Variants in PPP2R2A observed in about 807,000 individuals in gnomAD.
PPP2R2A encodes protein phosphatase 2 regulatory subunit Balpha.
In PPP2R2A, 9 loss-of-function variants were observed where a neutral mutation model predicts 53.2. That is an observed-to-expected ratio of 0.17 (90% CI 0.10 to 0.30). The LOEUF (loss-of-function observed/expected upper bound fraction) is 0.30. PPP2R2A is among the 10% of genes least tolerant of loss of function. The pLI is 1.00. For synonymous variants in PPP2R2A, 169 were observed against 174.2 expected, an observed-to-expected ratio of 0.97 and a Z score of 0.23; for missense variants, 235 against 534.6, an observed-to-expected ratio of 0.44 and a Z score of 5.53.
Position 26,370,099 on chromosome 8 carries a change from G to C in PPP2R2A, c.1065-35G>C. On this transcript the variant is annotated intron_variant, in intron 9 of 9. Coordinates refer to ENST00000380737, the MANE Select transcript of PPP2R2A (RefSeq NM_002717.4). The surrounding 1 kb of genome is among the most constrained non-coding windows in gnomAD (Gnocchi z 6.1). ...TTACTTGAAAACAATTTCTTGTTCTGCTTGTTTGACTGAGTGTACTGTCTA... is the reference window on the plus strand; with the variant it reads ...TTACTTGAAAACAATTTCTTGTTCTCCTTGTTTGACTGAGTGTACTGTCTA... 6.3e-7 allele frequency: 1 copy of C among 1,580,960 alleles called. No homozygotes were observed. Among genetic ancestry groups the C allele is most frequent in the Non-Finnish European group, 8.6e-7 (1 of 1,158,352 alleles).
intron 2 of PPP2R2A, among the ~76,000 whole-genome samples, chr8:26,322,885 A>G (rs1457454268): frequency 6.6e-6 from 1 of 152,204 alleles, no homozygotes; most frequent in African/African-American, 2.4e-5. Flanking sequence ...ACATTAATCC[A>G]TTGAAACCAC....
intron 2 of PPP2R2A, among the ~76,000 whole-genome samples, chr8:26,330,327 T>G (rs200591803): frequency 8.5e-6 from 1 of 118,300 alleles, no homozygotes; most frequent in Non-Finnish European, 1.8e-5. Context: ...TTTTTTTTTT[T>G]GAGACACAGT....
chr8:26,360,210 A>C lies in PPP2R2A; in HGVS notation c.388A>C (p.Arg130=). ...KLWKISERDK[R]PEGYNLKEED... Reference sequence around the variant, plus strand: ...ATGGAAAATCAGTGAAAGGGACAAAAGACCAGAAGGGTATAACTTGAAAGA... The same window carrying C: ...ATGGAAAATCAGTGAAAGGGACAAACGACCAGAAGGGTATAACTTGAAAGA... The change falls in exon 5 of 10, where the codon AGA becomes CGA. Residue 130 remains arginine (R), a synonymous_variant. Transcript: ENST00000380737. This position sits in a 1 kb window ranked among gnomAD's most constrained non-coding sequence, Gnocchi z 4.5. 1 of 1,610,298 alleles carries C rather than the reference A, an allele frequency of 6.2e-7. No homozygotes were observed. Among genetic ancestry groups the C allele is most frequent in the Non-Finnish European group, 8.5e-7 (1 of 1,177,390 alleles).
rs1803773062 is a variant in PPP2R2A, at chr8:26,338,331, G to A, written c.83-559G>A. Among the ~76,000 whole-genome samples, 1 of 152,138 alleles carries A rather than the reference G, an allele frequency of 6.6e-6. No individual in the cohort carries two copies. Among genetic ancestry groups the A allele is most frequent in the Admixed American group, 6.5e-5 (1 of 15,284 alleles). On this transcript the variant is annotated intron_variant, in intron 2 of 9. Coordinates refer to ENST00000380737, the MANE Select transcript of PPP2R2A (RefSeq NM_002717.4). The surrounding 1 kb of genome is among the most constrained non-coding windows in gnomAD (Gnocchi z 4.5). ...CCTGCAGTGTAGGGGAGCTGGAGGA[G>A]CCGTGCACATTGAAGGCACATAGCA... is the stretch of plus-strand genomic sequence containing the variant.
chr8:26,308,928 A>G (rs1802149389), intron 2 of PPP2R2A, among the ~76,000 whole-genome samples: 1 of 151,978 alleles, frequency 6.6e-6, no homozygotes, highest in Non-Finnish European at 1.5e-5. Context: ...TGGTGTGATC[A>G]TGGCTCACTG....
At chr8:26,344,454 A>G (rs1804106919) in intron 3 of PPP2R2A, among the ~76,000 whole-genome samples, 1 of 152,212 alleles carries the variant, frequency 6.6e-6, no homozygotes, top group Non-Finnish European at 1.5e-5. Flanking sequence ...CAGGAAAATC[A>G]GTCTCATTAC....
At chr8:26,350,770 CTT>C (rs1804459800) in intron 3 of PPP2R2A, 6 of 152,146 alleles carry the variant, frequency 3.9e-5, no homozygotes, top group Admixed American at 3.3e-4. Flanking sequence ...ATCGAAATCT[CTT>C]ATAATTTTCT....
intron 1 of PPP2R2A, 50 bp downstream of exon 1, chr8:26,291,876 C>T (rs551416760): frequency 2.3e-5 from 37 of 1,604,780 alleles, no homozygotes; most frequent in South Asian, 3.3e-5. Context: ...CTTCCTTATT[C>T]CTCCCTCCAT....
intron 3 of PPP2R2A, among the ~76,000 whole-genome samples, chr8:26,343,823 G>T (rs1804072899): frequency 6.6e-6 from 1 of 152,154 alleles, no homozygotes; most frequent in African/African-American, 2.4e-5. Context: ...AGAGTCACAA[G>T]AATTGCTAAT....
rs563625053 is a variant in PPP2R2A, at chr8:26,362,075, A to T, written c.638-609A>T. ...GATTAAGATTAATTTTAAGATTAGA[A>T]AAAGATTAATAATTAGATTAGATTA... On this transcript the variant is annotated intron_variant, in intron 6 of 9. Transcript: ENST00000380737. The surrounding 1 kb of genome is among the most constrained non-coding windows in gnomAD (Gnocchi z 4.4). 6.0e-5 allele frequency among the ~76,000 whole-genome samples: 9 copies of T among 148,772 alleles called. No individual in the cohort carries two copies. Among genetic ancestry groups the T allele is most frequent in the African/African-American group, 2.0e-4 (8 of 39,894 alleles).
intron 1 of PPP2R2A, among the ~76,000 whole-genome samples, chr8:26,292,865 A>C (rs1801368426): frequency 6.6e-6 from 1 of 152,206 alleles, no homozygotes; most frequent in Non-Finnish European, 1.5e-5. Context: ...AGATGAGACC[A>C]GTTTTCCGTG....
chr8:26,346,501 C>T (rs1804222823), intron 3 of PPP2R2A, among the ~76,000 whole-genome samples: 1 of 152,174 alleles, frequency 6.6e-6, no homozygotes, highest in Non-Finnish European at 1.5e-5. Context: ...TTAGATCAGT[C>T]ATCTGCAGAG....
intron 2 of PPP2R2A, among the ~76,000 whole-genome samples, chr8:26,303,673 G>C (rs891803245): frequency 3.3e-5 from 5 of 151,966 alleles, no homozygotes; most frequent in Admixed American, 2.6e-4. Flanking sequence ...GTATTTTTGT[G>C]GCTGTTTTCT....
chr8:26,355,937 T>G (rs1261026559), intron 4 of PPP2R2A, among the ~76,000 whole-genome samples: 1 of 152,116 alleles, frequency 6.6e-6, no homozygotes, highest in Non-Finnish European at 1.5e-5. Flanking sequence ...AGTTGGGTGC[T>G]TTCTCTTTGT....
chr8:26,365,303 C>T (rs1021655268), intron 8 of PPP2R2A: 1 of 152,080 alleles, frequency 6.6e-6, no homozygotes, highest in East Asian at 1.9e-4. Context: ...TTTTTTCTTA[C>T]TGATTTTTTT....
intron 2 of PPP2R2A, among the ~76,000 whole-genome samples, chr8:26,335,200 C>T (rs984065460): frequency 2.6e-5 from 4 of 152,128 alleles, no homozygotes; most frequent in South Asian, 2.1e-4. Context: ...GGTCTATGAG[C>T]GGAATTTGAA....
In PPP2R2A at chr8:26,327,193, T is replaced by G. The variant is rs572545209; in HGVS notation, c.83-11697T>G. ...GCTCCATCTTCTCTTTAGAGTATGT[T>G]ACATAAGCATTAAATCGAGGGTGTG... On this transcript the variant is annotated intron_variant, in intron 2 of 9. Transcript: ENST00000380737. 1.2e-4 allele frequency among the ~76,000 whole-genome samples: 18 copies of G among 152,284 alleles called. No homozygotes were observed. The South Asian group carries it at 2.7e-3, about 23-fold the overall frequency.
intron 2 of PPP2R2A, among the ~76,000 whole-genome samples, chr8:26,331,180 A>G (rs779009842): frequency 1.3e-5 from 2 of 152,082 alleles, no homozygotes; most frequent in Non-Finnish European, 2.9e-5. Context: ...AACTCTCACC[A>G]TGCTGTCTTG....
At chr8:26,296,359 C>T (rs551119923) in intron 2 of PPP2R2A, among the ~76,000 whole-genome samples, 13 of 152,316 alleles carry the variant, frequency 8.5e-5, no homozygotes, top group Middle Eastern at 3.4e-3. Flanking sequence ...GCTAATGACC[C>T]AGCTAAACAG....
Sources: allele counts gnomAD v4.1 joint callset (sites outside exome capture counted in the v4.1 genomes callset), GRCh38; gene constraint gnomAD v4.1.1; non-coding constraint Gnocchi (gnomAD v3.1); transcripts MANE v1.5; gene names NCBI Gene and HGNC (gene_info 2026-07-23, HGNC 2026-07-21).